CCDC102B: variants seen among roughly 807,000 people sequenced by gnomAD.
CCDC102B encodes the protein coiled-coil domain-containing protein 102B.
CCDC102B carries 75 observed loss-of-function variants against 57.4 expected under a neutral mutation model. The ratio of observed to expected loss-of-function variants is 1.31; its 90% CI spans 1.08 to 1.58. CCDC102B has a LOEUF of 1.58. Ranked by LOEUF, CCDC102B falls within the 40% of genes most tolerant of loss-of-function variation. The pLI is 0.00. For synonymous variants in CCDC102B, 206 were observed against 201.9 expected, an observed-to-expected ratio of 1.02 and a Z score of -0.17; for missense variants, 636 against 582.6, an observed-to-expected ratio of 1.09 and a Z score of -0.94.
chr18:68,719,153 C>A (rs1197639442), intron 2 of CCDC102B, among the ~76,000 whole-genome samples: 1 of 152,094 alleles, frequency 6.6e-6, no homozygotes, highest in Non-Finnish European at 1.5e-5. Flanking sequence ...GGAATTGAAT[C>A]AGAAGCTTAA....
rs896821234 is a variant in CCDC102B, at chr18:68,756,490, C to A, written c.-67+39896C>A. On this transcript the variant is annotated intron_variant, in intron 2 of 3. Transcript: ENST00000578970. ...CAATAATGTTTTAAAATGCAAATTG[C>A]CAACGTTGATTATATATGAAAATAT... Among the ~76,000 whole-genome samples, 8 of 152,222 alleles carry A rather than the reference C, an allele frequency of 5.3e-5. No individual in the cohort carries two copies. The South Asian group carries it at 1.7e-3, about 32-fold the overall frequency.
intron 7 of CCDC102B, among the ~76,000 whole-genome samples, chr18:69,031,795 T>C (rs1273526359): frequency 6.6e-6 from 1 of 152,134 alleles, no homozygotes; most frequent in Non-Finnish European, 1.5e-5. Flanking sequence ...TGTCTTAATA[T>C]AATAACTGGG....
rs1047713937 is a variant in CCDC102B at position 68,976,346 on chromosome 18, C to T, written c.1264-34588C>T. 4.6e-5 allele frequency among the ~76,000 whole-genome samples: 7 copies of T among 151,746 alleles called. No individual in the cohort carries two copies. In the South Asian group the frequency reaches 1.0e-3, roughly 22 times the overall value. On this transcript the variant is annotated intron_variant, in intron 6 of 7. Coordinates refer to ENST00000360242, the MANE Select transcript of CCDC102B (RefSeq NM_024781.3). ...TTTGATAATAAAAATGGTGTGAATT[C>T]GTGTAGAAATTTTGGAAAGTGTAGA...
chr18:68,972,530 A>G (rs56134909), intron 6 of CCDC102B, among the ~76,000 whole-genome samples: 1,638 of 152,322 alleles, frequency 0.011, 13 homozygotes, highest in Middle Eastern at 0.024. Context: ...CACCTGGTTC[A>G]AAACGATGGG....
At chr18:68,786,980 T>C (rs2035236599) in intron 2 of CCDC102B, among the ~76,000 whole-genome samples, 1 of 152,192 alleles carries the variant, frequency 6.6e-6, no homozygotes, top group South Asian at 2.1e-4. Context: ...TAGATGGCTC[T>C]TATTATTTTG....
intron 2 of CCDC102B, among the ~76,000 whole-genome samples, chr18:68,740,295 G>A (rs1568226364): frequency 6.6e-6 from 1 of 152,074 alleles, no homozygotes; most frequent in Non-Finnish European, 1.5e-5. Context: ...TAAAATGAAT[G>A]TTTGCTGTCA....
chr18:68,817,763 G>T (rs1345720981), intron 1 of CCDC102B, among the ~76,000 whole-genome samples: 1 of 152,114 alleles, frequency 6.6e-6, no homozygotes, highest in African/African-American at 2.4e-5. Context: ...CTTGCTAAAG[G>T]CTTTCCACAT....
intron 4 of CCDC102B, among the ~76,000 whole-genome samples, chr18:68,856,265 T>C (rs1367495162): frequency 6.6e-6 from 1 of 152,174 alleles, no homozygotes; most frequent in Non-Finnish European, 1.5e-5. Flanking sequence ...AGGAAAAATG[T>C]AAAACATGCT....
intron 5 of CCDC102B, among the ~76,000 whole-genome samples, chr18:68,877,163 A>G (rs1253698610): frequency 6.6e-6 from 1 of 152,238 alleles, no homozygotes; most frequent in Non-Finnish European, 1.5e-5. Context: ...TGATTGAATT[A>G]TAGTCTGAGG....
intron 2 of CCDC102B, among the ~76,000 whole-genome samples, chr18:68,743,612 C>T (rs1416462846): frequency 6.6e-6 from 1 of 152,186 alleles, no homozygotes; most frequent in African/African-American, 2.4e-5. Flanking sequence ...ATGGACCTAT[C>T]AGTTGCCTTT....
chr18:69,011,685 T>G (rs1055572620), intron 7 of CCDC102B, among the ~76,000 whole-genome samples: 2 of 148,492 alleles, frequency 1.3e-5, no homozygotes, highest in Non-Finnish European at 3.0e-5. Flanking sequence ...TTGTTTTTTG[T>G]TTTTTTTTAA....
At chr18:68,780,266 G>A (rs2034962421) in intron 2 of CCDC102B, among the ~76,000 whole-genome samples, 1 of 151,960 alleles carries the variant, frequency 6.6e-6, no homozygotes. Context: ...ATTCCTCAGT[G>A]AAAGGGTTGT....
chr18:68,969,362 C>T lies in CCDC102B; in HGVS notation c.1264-41572C>T, dbSNP rs115015354. On this transcript the variant is annotated intron_variant, in intron 6 of 7. Coordinates refer to ENST00000360242, the MANE Select transcript of CCDC102B (RefSeq NM_024781.3). The stretch of plus-strand genomic sequence containing the variant: ...TTTTTCCTAATTCCTATGTGCTCTG[C>T]AATGAAATGGTACTTATGCAGTTTT... Among the ~76,000 whole-genome samples, 389 of 152,266 alleles carry T rather than the reference C, an allele frequency of 2.6e-3. 1 individual carries two copies. Among genetic ancestry groups the T allele is most frequent in the African/African-American group, 8.7e-3 (360 of 41,560 alleles).
intron 5 of CCDC102B, among the ~76,000 whole-genome samples, chr18:68,883,060 T>C (rs1459274815): frequency 1.3e-5 from 2 of 152,100 alleles, no homozygotes; most frequent in Non-Finnish European, 2.9e-5. Context: ...AATAATCTGT[T>C]TAACAAACCC....
chr18:68,927,625 T>C (rs1837094403), intron 6 of CCDC102B, among the ~76,000 whole-genome samples: 1 of 152,014 alleles, frequency 6.6e-6, no homozygotes, highest in African/African-American at 2.4e-5. Context: ...TGATAGTTAA[T>C]AGCCCATAAG....
At chr18:68,971,829 G>A (rs1001585936) in intron 6 of CCDC102B, among the ~76,000 whole-genome samples, 6 of 151,866 alleles carry the variant, frequency 4.0e-5, no homozygotes, top group African/African-American at 1.4e-4. Context: ...CTACTGGATT[G>A]TACACTTATC....
At position 68,897,248 on chromosome 18, in the gene CCDC102B, G is replaced by T; in HGVS notation, c.1083G>T (p.Ser361=). Residue 361 remains serine, a synonymous_variant, in exon 6 of 8, where the codon TCG becomes TCT. Transcript: ENST00000360242. ...AGAGATTGCAAGCTGAAAATACCTC[G>T]GAGTGGGACAAGAGGGAAATACTTG... ...ELERLQAENT[S]EWDKREILER... 1 of 1,612,620 alleles carries T rather than the reference G, an allele frequency of 6.2e-7. No individual in the cohort carries two copies. The highest frequency in any genetic ancestry group is 1.1e-5 in the South Asian group (1 of 90,986).
intron 4 of CCDC102B, among the ~76,000 whole-genome samples, chr18:68,851,962 TTTC>T (rs976129453): frequency 3.3e-5 from 5 of 152,184 alleles, no homozygotes; most frequent in African/African-American, 4.8e-5. Context: ...TGTTTTATTT[TTTC>T]TTATCAGAAG....
intron 2 of CCDC102B, among the ~76,000 whole-genome samples, chr18:68,746,512 A>G (rs1599400951): frequency 1.3e-5 from 2 of 152,150 alleles, no homozygotes; most frequent in Non-Finnish European, 2.9e-5. Context: ...CCCTAGTTAT[A>G]GAATTCCTGA....
Sources: gnomAD v4.1 joint callset for allele counts (sites outside exome capture counted in the v4.1 genomes callset) on GRCh38, gnomAD v4.1.1 for gene constraint, MANE v1.5 for transcripts, NCBI Gene and HGNC (gene_info 2026-07-23, HGNC 2026-07-21) for gene names.